LCA5: variants seen among roughly 807,000 people sequenced by gnomAD.
The protein encoded by LCA5 is lebercilin LCA5, also known as lebercilin.
In LCA5, 37 loss-of-function variants were observed where a neutral mutation model predicts 53.0. The observed-to-expected ratio is 0.70, with a 90% CI of 0.54 to 0.92. LCA5 has a LOEUF of 0.92. Among genes scored for constraint, LCA5 ranks in the 40% least tolerant of loss-of-function variants. LCA5 has a pLI of 0.00. For synonymous variants in LCA5, 303 were observed against 282.9 expected (o/e 1.07, Z -0.71); for missense variants, 806 against 790.5 (o/e 1.02, Z -0.23).
chr6:79,496,066 T>C (rs1023934357), intron 3 of LCA5, among the ~76,000 whole-genome samples: 3 of 152,048 alleles, frequency 2.0e-5, no homozygotes, highest in Non-Finnish European at 4.4e-5. Context: ...CAGAGACAAA[T>C]GGGCATATAG....
rs185356465 is a variant in LCA5 at position 79,496,528 on chromosome 6, G to C, written c.721-2778C>G. On this transcript the variant is annotated intron_variant, in intron 3 of 7. Transcript: ENST00000369846. Reference sequence around the variant, plus strand: ...AAAAAAGAATGAACAATTGATACTTGCAACATGTTTGAAACTCAAAATAGT... The same window carrying C: ...AAAAAAGAATGAACAATTGATACTTCCAACATGTTTGAAACTCAAAATAGT... Among the ~76,000 whole-genome samples, 645 of 152,224 alleles carry C rather than the reference G, an allele frequency of 4.2e-3. 17 individuals carry two copies. Among genetic ancestry groups the C allele is most frequent in the South Asian group, 0.027 (128 of 4,826 alleles).
chr6:79,488,335 A>T (rs1259975444), intron 7 of LCA5: 1 of 157,218 alleles, frequency 6.4e-6, no homozygotes, highest in Non-Finnish European at 1.4e-5. Context: ...ATTTTTAAAA[A>T]TGGGTCTATA....
In LCA5 at chr6:79,519,697, C is replaced by T. The variant is rs1350367370; in HGVS notation, c.-191-612G>A. ...GCGCCACTGAACTCCAGCCTGGTGA[C>T]AGAATGAGACTCCATCTCAAAAAAA... On this transcript the variant is annotated intron_variant, in intron 1 of 7. Coordinates refer to ENST00000369846, the MANE Select transcript of LCA5 (RefSeq NM_001122769.3). Among the ~76,000 whole-genome samples the T allele has an allele frequency of 3.5e-5, 4 of 114,656 alleles. No individual in the cohort carries two copies. In the South Asian group the frequency reaches 8.2e-4, roughly 23 times the overall value. 75.2% of individuals were successfully genotyped at this position (114,656 alleles called of 152,430 possible).
intron 3 of LCA5, among the ~76,000 whole-genome samples, chr6:79,501,491 T>C (rs1169738892): frequency 2.6e-5 from 4 of 152,034 alleles, no homozygotes; most frequent in Non-Finnish European, 5.9e-5. Flanking sequence ...AGTTGACAGC[T>C]ATTTATTTAA....
chr6:79,500,644 A>G (rs1216678122), intron 3 of LCA5, among the ~76,000 whole-genome samples: 1 of 152,196 alleles, frequency 6.6e-6, no homozygotes, highest in Non-Finnish European at 1.5e-5. Context: ...TTCAGGAAGC[A>G]GAAAGCTTGA....
intron 1 of LCA5, among the ~76,000 whole-genome samples, chr6:79,521,928 A>T (rs1413963477): frequency 1.3e-5 from 2 of 152,212 alleles, no homozygotes; most frequent in Non-Finnish European, 2.9e-5. Context: ...ACTTCAAGGA[A>T]CTACTTGCCA....
At chr6:79,534,521 C>A (rs962136106) in intron 1 of LCA5, among the ~76,000 whole-genome samples, 1 of 151,936 alleles carries the variant, frequency 6.6e-6, no homozygotes, top group Admixed American at 6.6e-5. Context: ...TACAACTGAT[C>A]CTTTACCGTT....
intron 2 of LCA5, among the ~76,000 whole-genome samples, chr6:79,517,966 A>T (rs1384451404): frequency 2.0e-5 from 3 of 152,148 alleles, no homozygotes; most frequent in African/African-American, 4.8e-5. Flanking sequence ...TGCTACTTTT[A>T]TTAATGGGTA....
At chr6:79,532,298 G>A (rs549429820) in intron 1 of LCA5, among the ~76,000 whole-genome samples, 3 of 152,124 alleles carry the variant, frequency 2.0e-5, no homozygotes, top group Non-Finnish European at 4.4e-5. Flanking sequence ...TAGAACTTCT[G>A]CAATAACCTC....
intron 2 of LCA5, among the ~76,000 whole-genome samples, chr6:79,515,500 C>G (rs1055593284): frequency 2.6e-5 from 4 of 152,018 alleles, no homozygotes; most frequent in Non-Finnish European, 5.9e-5. Context: ...TTTATTTTTA[C>G]TAAAAGTTCA....
At chr6:79,488,062 A>G (rs1373726245) in intron 7 of LCA5, 196 bp from the exon 8 acceptor site, 2 of 536,718 alleles carry the variant, frequency 3.7e-6, no homozygotes, top group Admixed American at 7.3e-5. Context: ...ATTGCATTTA[A>G]GATTCTCATT....
At chr6:79,516,167 A>T (rs2575216) in intron 2 of LCA5, among the ~76,000 whole-genome samples, 73,852 of 151,466 alleles carry the variant, frequency 0.49, 19,252 homozygotes, top group East Asian at 0.82. Flanking sequence ...AAAATTACAT[A>T]TGTGGCTTCA....
chr6:79,534,243 A>G (rs1225478825), intron 1 of LCA5, among the ~76,000 whole-genome samples: 3 of 151,988 alleles, frequency 2.0e-5, no homozygotes, highest in Admixed American at 6.5e-5. Context: ...GTTTGGATTT[A>G]AAGTATGATC....
chr6:79,532,663 C>A (rs1439125963), intron 1 of LCA5, among the ~76,000 whole-genome samples: 1 of 152,134 alleles, frequency 6.6e-6, no homozygotes, highest in Non-Finnish European at 1.5e-5. Flanking sequence ...GCACAAATGT[C>A]ACCTTCTCAA....
intron 1 of LCA5, among the ~76,000 whole-genome samples, chr6:79,531,373 C>G (rs1766954330): frequency 6.6e-6 from 1 of 152,140 alleles, no homozygotes; most frequent in African/African-American, 2.4e-5. Context: ...AGGATCATTC[C>G]TATCAATGAA....
intron 2 of LCA5, among the ~76,000 whole-genome samples, chr6:79,517,052 A>G (rs16890821): frequency 0.15 from 22,104 of 151,998 alleles, 1,804 homozygotes; most frequent in East Asian, 0.22. Flanking sequence ...GCAAACCCGA[A>G]AATTCGTTTA....
At chr6:79,521,023 G>T (rs1000341893) in intron 1 of LCA5, among the ~76,000 whole-genome samples, 8 of 152,186 alleles carry the variant, frequency 5.3e-5, no homozygotes, top group African/African-American at 1.7e-4. Flanking sequence ...CAAGATGGTG[G>T]CTGGCCACAT....
Position 79,489,111 on chromosome 6 carries a change from T to G in LCA5, c.1204A>C (p.Lys402Gln), listed in dbSNP as rs138303904. 17 of 1,613,240 alleles carry G rather than the reference T, an allele frequency of 1.1e-5. No homozygotes were observed. The African/African-American group carries it at 1.7e-4, about 16-fold the overall frequency. The change falls in exon 7 of 8, where the codon AAA becomes CAA. Residue 402 changes from lysine (K) to glutamine (Q), a missense_variant. By Grantham distance (53) the Lys-to-Gln change is moderately conservative. Transcript: ENST00000369846. The stretch of plus-strand genomic sequence containing the variant: ...TCCTCCAGCTTTTCAACCTCCTGTT[T>G]TACGACATGGAGTTCTTCATCTGTA... ...FVTDEELHVV[K>Q]QEVEKLEDEW...
At chr6:79,500,716 T>A (rs1770114706) in intron 3 of LCA5, among the ~76,000 whole-genome samples, 1 of 152,228 alleles carries the variant, frequency 6.6e-6, no homozygotes, top group South Asian at 2.1e-4. Context: ...CTCTTTTGAA[T>A]GAGAGGAAAC....
Sources: gnomAD v4.1 joint callset for allele counts (sites outside exome capture counted in the v4.1 genomes callset) on GRCh38, gnomAD v4.1.1 for gene constraint, MANE v1.5 for transcripts, NCBI Gene and HGNC (gene_info 2026-07-23, HGNC 2026-07-21) for gene names.